RASAL2: variants seen among roughly 807,000 people sequenced by gnomAD.
The protein encoded by RASAL2 is ras GTPase-activating protein nGAP.
In RASAL2, 58 loss-of-function variants were observed where a neutral mutation model predicts 128.9. The observed-to-expected ratio is 0.45, with a 90% CI of 0.36 to 0.56. The LOEUF is 0.56. Among genes scored for constraint, RASAL2 ranks in the 20% least tolerant of loss-of-function variants. The pLI is 0.00. For synonymous variants in RASAL2, 561 were observed against 580.8 expected (o/e 0.97, Z 0.49); for missense variants, 1,360 against 1,601.6 (o/e 0.85, Z 2.57).
At chr1:178,360,072 G>A (rs1234101740) in intron 3 of RASAL2, among the ~76,000 whole-genome samples, 5 of 152,030 alleles carry the variant, frequency 3.3e-5, no homozygotes, top group Admixed American at 6.6e-5. Flanking sequence ...CTCTATGATG[G>A]GGAGCCAATC....
At chr1:178,111,820 C>T (rs147017505) in intron 1 of RASAL2, among the ~76,000 whole-genome samples, 5,628 of 152,268 alleles carry the variant, frequency 0.037, 136 homozygotes, top group Non-Finnish European at 0.054. Context: ...ACCTCCGCCT[C>T]CCGGGTTCAA....
At chr1:178,311,663 C>T (rs1668258431) in intron 3 of RASAL2, among the ~76,000 whole-genome samples, 1 of 152,076 alleles carries the variant, frequency 6.6e-6, no homozygotes. Context: ...TGGGACTCCT[C>T]CACCTTTCTT....
chr1:178,370,893 G>A (rs777488301), intron 3 of RASAL2, among the ~76,000 whole-genome samples: 8 of 152,044 alleles, frequency 5.3e-5, no homozygotes, highest in Non-Finnish European at 8.8e-5. Flanking sequence ...TGTTAAGGAG[G>A]TAGTAACTCT....
chr1:178,288,310 C>G (rs1210241719), intron 2 of RASAL2, among the ~76,000 whole-genome samples: 1 of 152,180 alleles, frequency 6.6e-6, no homozygotes, highest in Non-Finnish European at 1.5e-5. Context: ...CCTGTTTCCT[C>G]AAACTGCCAA....
At chr1:178,171,255 G>C (rs577180906) in intron 1 of RASAL2, among the ~76,000 whole-genome samples, 3 of 151,960 alleles carry the variant, frequency 2.0e-5, no homozygotes, top group Admixed American at 6.6e-5. Context: ...CATTGTACCT[G>C]CTCACTCTTA....
In RASAL2 at chr1:178,148,433, C is replaced by CTTATTTATTTAT. The variant is rs543499669; in HGVS notation, c.202+53758_202+53769dup. On this transcript the variant is annotated intron_variant, in intron 1 of 17. Transcript: ENST00000367649. ...CTTAATGTGGTTAATCTATTTCATT[C>CTTATTTATTTAT]TTATTTATTTATTTATTTATTTATT... 3.7e-3 allele frequency among the ~76,000 whole-genome samples: 563 copies of CTTATTTATTTAT among 151,154 alleles called. 14 individuals carry two copies. Among genetic ancestry groups the CTTATTTATTTAT allele is most frequent in the African/African-American group, 0.013 (524 of 40,834 alleles).
intron 3 of RASAL2, among the ~76,000 whole-genome samples, chr1:178,348,336 G>A (rs1331167386): frequency 6.6e-6 from 1 of 152,074 alleles, no homozygotes; most frequent in Non-Finnish European, 1.5e-5. Context: ...CAACCAGGGT[G>A]GAGTGCAATG....
intron 1 of RASAL2, among the ~76,000 whole-genome samples, chr1:178,192,581 A>G (rs1045729121): frequency 1.3e-5 from 2 of 152,172 alleles, no homozygotes; most frequent in East Asian, 1.9e-4. Context: ...GTATGTGTGT[A>G]TATACACACA....
chr1:178,394,328 G>A (rs958382452), intron 4 of RASAL2, among the ~76,000 whole-genome samples: 1 of 151,962 alleles, frequency 6.6e-6, no homozygotes, highest in South Asian at 2.1e-4. Flanking sequence ...GAAATTACTG[G>A]GATGATGAGG....
chr1:178,350,691 G>C (rs1304326540), intron 3 of RASAL2, among the ~76,000 whole-genome samples: 1 of 152,158 alleles, frequency 6.6e-6, no homozygotes, highest in Non-Finnish European at 1.5e-5. Flanking sequence ...TTCTTGCAGT[G>C]GTAGGACTGA....
intron 3 of RASAL2, among the ~76,000 whole-genome samples, chr1:178,311,635 T>C (rs1173393152): frequency 6.6e-6 from 1 of 152,038 alleles, no homozygotes; most frequent in Non-Finnish European, 1.5e-5. Flanking sequence ...ATTAGGTGAA[T>C]ATGTGCACGC....
intron 2 of RASAL2, among the ~76,000 whole-genome samples, chr1:178,290,049 C>G (rs1667206872): frequency 6.6e-6 from 1 of 152,156 alleles, no homozygotes; most frequent in Non-Finnish European, 1.5e-5. Context: ...ACCTAATTAC[C>G]TGGCTCTAAT....
chr1:178,268,146 G>C (rs1291502682), intron 1 of RASAL2, among the ~76,000 whole-genome samples: 1 of 151,928 alleles, frequency 6.6e-6, no homozygotes, highest in Non-Finnish European at 1.5e-5. Flanking sequence ...GGGCAATAGA[G>C]TGAGACCCTA....
intron 1 of RASAL2, among the ~76,000 whole-genome samples, chr1:178,108,715 G>C (rs1461578313): frequency 6.6e-6 from 1 of 152,142 alleles, no homozygotes; most frequent in Non-Finnish European, 1.5e-5. Flanking sequence ...TATGATGTTT[G>C]TTAATTTGTA....
intron 3 of RASAL2, among the ~76,000 whole-genome samples, chr1:178,318,578 G>T (rs1455179980): frequency 6.7e-6 from 1 of 149,622 alleles, no homozygotes; most frequent in Non-Finnish European, 1.5e-5. Context: ...GATCTTTGTT[G>T]GTTTAAAGTC....
intron 1 of RASAL2, among the ~76,000 whole-genome samples, chr1:178,182,034 T>C (rs930595308): frequency 6.6e-6 from 1 of 152,214 alleles, no homozygotes; most frequent in Non-Finnish European, 1.5e-5. Flanking sequence ...TGATGTGTTA[T>C]ATTCCACCTC....
At chr1:178,187,769 CTTTTCT>C (rs1429617116) in intron 1 of RASAL2, among the ~76,000 whole-genome samples, 1 of 151,968 alleles carries the variant, frequency 6.6e-6, no homozygotes, top group Non-Finnish European at 1.5e-5. Context: ...ACCCTTTTTA[CTTTTCT>C]TTTTCTAAGA....
At chr1:178,373,388 C>A (rs533912024) in intron 3 of RASAL2, among the ~76,000 whole-genome samples, 1 of 149,190 alleles carries the variant, frequency 6.7e-6, no homozygotes, top group South Asian at 2.1e-4. Context: ...TATTTATCTT[C>A]GGCATTTGGA....
At chr1:178,390,502 C>T (rs113893693) in intron 4 of RASAL2, among the ~76,000 whole-genome samples, 4 of 152,096 alleles carry the variant, frequency 2.6e-5, no homozygotes, top group African/African-American at 4.8e-5. Context: ...CCTCAGCCTC[C>T]GGAGTAGCTG....
Sources: allele counts gnomAD v4.1 joint callset (sites outside exome capture counted in the v4.1 genomes callset), GRCh38; gene constraint gnomAD v4.1.1; transcripts MANE v1.5; gene names NCBI Gene and HGNC (gene_info 2026-07-23, HGNC 2026-07-21).